The following CAMTA1 variants were observed in gnomAD, a reference collection of about 807,000 sequenced individuals.
CAMTA1 encodes the protein calmodulin binding transcription activator 1, also known as calmodulin-binding transcription activator 1.
In CAMTA1, 27 loss-of-function variants were observed where a neutral mutation model predicts 170.9. The ratio of observed to expected loss-of-function variants is 0.16; its 90% confidence interval spans 0.12 to 0.22. The LOEUF (loss-of-function observed/expected upper bound fraction) is 0.22. Ranked by LOEUF, CAMTA1 falls within the 10% of genes least tolerant of loss-of-function variation. CAMTA1 has a pLI of 1.00. For synonymous variants in CAMTA1, 833 were observed against 891.5 expected, an observed-to-expected ratio of 0.93 and a Z score of 1.17; for missense variants, 1,619 against 2,217.2, an observed-to-expected ratio of 0.73 and a Z score of 5.42.
Position 7,732,747 on chromosome 1 carries a change from T to C in CAMTA1, c.3066+148T>C, listed in dbSNP as rs556405620. 6 of 1,186,288 alleles carry C rather than the reference T, an allele frequency of 5.1e-6. No homozygotes were observed. The Admixed American group carries it at 1.8e-4, about 35-fold the overall frequency. 73.5% of individuals were successfully genotyped at this position (1,186,288 alleles called of 1,614,324 possible). A position where few individuals can be genotyped will look rare whatever the true frequency, so the allele number is the denominator to read the frequency against. On this transcript the variant is annotated intron_variant, in intron 12 of 22. Transcript: ENST00000303635. This position sits in a 1 kb window ranked among gnomAD's most constrained non-coding sequence, Gnocchi z 4.1. ...CTGAGGGAGTACTTTACGGTACCTG[T>C]GCTTTTAAGCATTATAATCTGTGCA...
chr1:7,506,596 CACTCA>C (rs961120184), intron 6 of CAMTA1, among the ~76,000 whole-genome samples: 1 of 152,078 alleles, frequency 6.6e-6, no homozygotes, highest in Non-Finnish European at 1.5e-5. Context: ...CACACGCTCA[CACTCA>C]AAAGTCACAC....
chr1:7,183,940 A>G (rs548008141), intron 4 of CAMTA1, among the ~76,000 whole-genome samples: 2 of 152,356 alleles, frequency 1.3e-5, no homozygotes, highest in East Asian at 3.8e-4. Context: ...AAGAAAGTAA[A>G]ATAACTTTAT....
chr1:7,032,722 T>G (rs2412208), intron 3 of CAMTA1, among the ~76,000 whole-genome samples: 49,828 of 152,030 alleles, frequency 0.33, 8,752 homozygotes, highest in African/African-American at 0.46. Context: ...GCTTTAATAT[T>G]TCTTGTAGTG....
intron 3 of CAMTA1, among the ~76,000 whole-genome samples, chr1:6,938,065 A>C (rs936502962): frequency 3.9e-5 from 6 of 152,222 alleles, no homozygotes; most frequent in Non-Finnish European, 8.8e-5. Context: ...CAGAACTAGG[A>C]CTTGAAGCCA....
chr1:7,520,807 C>G (rs997823909), intron 6 of CAMTA1, among the ~76,000 whole-genome samples: 1 of 152,160 alleles, frequency 6.6e-6, no homozygotes, highest in Non-Finnish European at 1.5e-5. Flanking sequence ...TCTTCCAGTC[C>G]AAGAAAGGCC....
intron 6 of CAMTA1, among the ~76,000 whole-genome samples, chr1:7,524,966 A>C (rs1003327214): frequency 1.3e-5 from 2 of 151,810 alleles, no homozygotes; most frequent in Non-Finnish European, 2.9e-5. Context: ...TCACATATCC[A>C]CTCATTCATT....
chr1:7,265,615 A>G (rs1259959253), intron 5 of CAMTA1, among the ~76,000 whole-genome samples: 1 of 152,214 alleles, frequency 6.6e-6, no homozygotes, highest in African/African-American at 2.4e-5. Context: ...CACCTGGCCA[A>G]AAAGAAGCCA....
chr1:7,736,855 G>A lies in CAMTA1; in HGVS notation c.3264-76G>A, dbSNP rs2096776439. 1 of 1,197,260 alleles carries A rather than the reference G, an allele frequency of 8.4e-7. No individual in the cohort carries two copies. The highest frequency in any genetic ancestry group is 1.5e-5 in the African/African-American group (1 of 66,748). 74.2% of individuals were successfully genotyped at this position (1,197,260 alleles called of 1,614,324 possible). ...ATACCCAGTTGGGTTTCATCTTGGTGGGGTTTTATAATATTCTGGTGTTTC... is the reference window on the plus strand; with the variant it reads ...ATACCCAGTTGGGTTTCATCTTGGTAGGGTTTTATAATATTCTGGTGTTTC... On this transcript the variant is annotated intron_variant, in intron 13 of 22. Transcript: ENST00000303635. This position sits in a 1 kb window ranked among gnomAD's most constrained non-coding sequence, Gnocchi z 4.5.
chr1:7,436,305 G>A (rs1298203201), intron 5 of CAMTA1, among the ~76,000 whole-genome samples: 1 of 152,164 alleles, frequency 6.6e-6, no homozygotes, highest in Non-Finnish European at 1.5e-5. Flanking sequence ...CCTGGCTTCC[G>A]GGCTGGTTCC....
rs180958121 is a variant in CAMTA1 at position 6,840,577 on chromosome 1, G to C, written c.234+15367G>C. Among the ~76,000 whole-genome samples the C allele has an allele frequency of 9.8e-5, 15 of 152,292 alleles. No individual in the cohort carries two copies. The East Asian group carries it at 2.9e-3, about 29-fold the overall frequency. Reference sequence around the variant, plus strand: ...TGTTCTTCTGGGATGTCCTGGTTGTGAGATGTCTGTTAGACACCAGAGTGA... The same window carrying C: ...TGTTCTTCTGGGATGTCCTGGTTGTCAGATGTCTGTTAGACACCAGAGTGA... On this transcript the variant is annotated intron_variant, in intron 3 of 22. Transcript: ENST00000303635.
At chr1:7,720,012 A>T (rs549137914) in intron 11 of CAMTA1, among the ~76,000 whole-genome samples, 1 of 152,338 alleles carries the variant, frequency 6.6e-6, no homozygotes, top group East Asian at 1.9e-4. Flanking sequence ...TTGCTTCTTC[A>T]TTCACTTACC....
rs1326048284 is a variant in CAMTA1 at position 6,785,558 on chromosome 1, C to T, written c.28C>T (p.Pro10Ser). 4 of 1,076,682 alleles carry T rather than the reference C, an allele frequency of 3.7e-6. No individual in the cohort carries two copies. Among genetic ancestry groups the T allele is most frequent in the Non-Finnish European group, 4.6e-6 (4 of 872,102 alleles). 66.7% of individuals were successfully genotyped at this position (1,076,682 alleles called of 1,614,324 possible). The change falls in exon 1 of 23, where the codon CCG (proline) becomes TCG (serine). Residue 10 changes from proline (P) to serine (S), a missense_variant. Pro to Ser is a moderately conservative substitution (Grantham distance 74). Around this residue, in one of 8 missense-constraint regions of CAMTA1, gnomAD observed 61 missense variants for 57.7 expected, o/e 1.06. Transcript: ENST00000303635. MWRAEGKWLPKTSRKSVSQS... is the reference protein window; with the variant it reads MWRAEGKWLSKTSRKSVSQS... ...GTGGCGCGCGGAGGGGAAATGGCTG[C>T]CGAAAACAAGCCGGAAGGTAAGAGC...
intron 3 of CAMTA1, among the ~76,000 whole-genome samples, chr1:7,088,977 G>A (rs1315293580): frequency 1.3e-5 from 2 of 152,218 alleles, no homozygotes; most frequent in African/African-American, 2.4e-5. Context: ...TTCATTGTCT[G>A]CAGGCGTGGG....
chr1:7,184,123 C>T (rs1399530775), intron 4 of CAMTA1, among the ~76,000 whole-genome samples: 1 of 152,012 alleles, frequency 6.6e-6, no homozygotes, highest in East Asian at 1.9e-4. Context: ...TGAAATAAGC[C>T]CGGCACGGAA....
intron 6 of CAMTA1, among the ~76,000 whole-genome samples, chr1:7,586,423 C>G (rs2095310403): frequency 6.6e-6 from 1 of 152,186 alleles, no homozygotes; most frequent in South Asian, 2.1e-4. Context: ...CACTCTTCAG[C>G]CTCCAGCCTG....
At chr1:6,902,072 C>CAAAAAAAA (rs1553180442) in intron 3 of CAMTA1, among the ~76,000 whole-genome samples, 7 of 88,466 alleles carry the variant, frequency 7.9e-5, no homozygotes, top group East Asian at 2.7e-4. Context: ...CACACACACA[C>CAAAAAAAA]AAAAAAAAAA....
At chr1:7,598,226 G>T (rs1320677218) in intron 6 of CAMTA1, among the ~76,000 whole-genome samples, 3 of 152,020 alleles carry the variant, frequency 2.0e-5, no homozygotes, top group Admixed American at 6.6e-5. Context: ...GAGAATAATG[G>T]TTTCCAGCTT....
At chr1:7,348,182 GTCCCCT>G (rs2084367299) in intron 5 of CAMTA1, among the ~76,000 whole-genome samples, 1 of 151,500 alleles carries the variant, frequency 6.6e-6, no homozygotes, top group African/African-American at 2.4e-5. Context: ...TCCCTCTGGT[GTCCCCT>G]TTCTCTTCGT....
intron 4 of CAMTA1, among the ~76,000 whole-genome samples, chr1:7,132,655 G>A (rs1189217331): frequency 6.6e-6 from 1 of 151,960 alleles, no homozygotes; most frequent in African/African-American, 2.4e-5. Context: ...CAACCACCCT[G>A]GGCAAAAAAA....
Sources: gnomAD v4.1 joint callset for allele counts (sites outside exome capture counted in the v4.1 genomes callset) on GRCh38, gnomAD v4.1.1 for gene constraint, gnomAD v4.1.1 regional missense constraint, Gnocchi (gnomAD v3.1) non-coding constraint, MANE v1.5 for transcripts, NCBI Gene and HGNC (gene_info 2026-07-23, HGNC 2026-07-21) for gene names.